The following UNC5B variants were observed in gnomAD, a reference collection of about 807,000 sequenced individuals.
The protein encoded by UNC5B is unc-5 netrin receptor B, also known as netrin receptor UNC5B.
Under a neutral mutation model 103.7 loss-of-function variants are expected in UNC5B, and 56 were observed. The observed-to-expected ratio is 0.54, with a 90% CI of 0.44 to 0.67. The LOEUF is 0.67. Ranked by LOEUF, UNC5B falls within the 30% of genes least tolerant of loss-of-function variation. The probability of loss-of-function intolerance (pLI) is 0.00; values close to 1 mark genes in which losing one functional copy is unlikely to be tolerated. For synonymous variants in UNC5B, 577 were observed against 542.0 expected, an observed-to-expected ratio of 1.06 and a Z score of -0.90; for missense variants, 1,194 against 1,284.5, an observed-to-expected ratio of 0.93 and a Z score of 1.08.
intron 14 of UNC5B, 101 bp downstream of exon 14, chr10:71,296,061 T>C: frequency 1.3e-6 from 2 of 1,502,152 alleles, no homozygotes; most frequent in Non-Finnish European, 1.8e-6. Context: ...TCCTGTGGCC[T>C]TACCCCTCCC....
rs1036661814 is a variant in UNC5B, at chr10:71,302,041, C to T, written c.*2764C>T. ...GCACAGACCCATTGGCTGGAGCCTC[C>T]TGGGAGGGTTCAAACCATCAGCTCT... On this transcript the variant is annotated 3_prime_UTR_variant, in exon 17 of 17. Transcript: ENST00000335350. 1 of 152,200 alleles carries T rather than the reference C, an allele frequency of 6.6e-6. No individual in the cohort carries two copies. The highest frequency in any genetic ancestry group is 2.4e-5 in the African/African-American group (1 of 41,450). The allele number at this position is 152,200 out of a possible 1,614,324, so 9.4% of individuals were successfully genotyped here. A position where few individuals can be genotyped will look rare whatever the true frequency, so the allele number is the denominator to read the frequency against.
intron 1 of UNC5B, among the ~76,000 whole-genome samples, chr10:71,271,746 C>CG: frequency 6.6e-6 from 1 of 152,360 alleles, no homozygotes; most frequent in East Asian, 1.9e-4. Context: ...AGACGTTTCA[C>CG]AGGAGCAGAT....
At chr10:71,243,402 C>T (rs574750521) in intron 1 of UNC5B, among the ~76,000 whole-genome samples, 146 of 152,286 alleles carry the variant, frequency 9.6e-4, no homozygotes, top group African/African-American at 3.3e-3. Flanking sequence ...CTTCTGCCTG[C>T]ACTGCCCAGT....
At chr10:71,248,775 T>C (rs1025195804) in intron 1 of UNC5B, among the ~76,000 whole-genome samples, 5 of 151,824 alleles carry the variant, frequency 3.3e-5, no homozygotes, top group Non-Finnish European at 7.4e-5. Flanking sequence ...CCTGAACTCA[T>C]AGAGAACATT....
chr10:71,219,694 T>C (rs1434941475), intron 1 of UNC5B, among the ~76,000 whole-genome samples: 1 of 152,220 alleles, frequency 6.6e-6, no homozygotes, highest in East Asian at 1.9e-4. Context: ...TCAGAACTCC[T>C]AAGCAGCCCT....
rs542315554 is a variant in UNC5B at position 71,260,784 on chromosome 10, T to C, written c.80-19037T>C. Among the ~76,000 whole-genome samples the C allele has an allele frequency of 5.9e-5, 9 of 152,324 alleles. No individual in the cohort carries two copies. The South Asian group carries it at 1.9e-3, about 32-fold the overall frequency. On this transcript the variant is annotated intron_variant, in intron 1 of 16. Coordinates refer to ENST00000335350, the MANE Select transcript of UNC5B (RefSeq NM_170744.5). The stretch of plus-strand genomic sequence containing the variant: ...GGAGGTAGCAAGGAGACTGAGTCAC[T>C]GCAGGCCAATTGTGATGAGTGGGCA...
At chr10:71,290,655 C>T (rs889713581) in intron 8 of UNC5B, among the ~76,000 whole-genome samples, 1 of 152,238 alleles carries the variant, frequency 6.6e-6, no homozygotes, top group African/African-American at 2.4e-5. Flanking sequence ...TGAATTAACA[C>T]ATGGCATGAA....
intron 4 of UNC5B, among the ~76,000 whole-genome samples, chr10:71,286,223 G>A (rs1845075363): frequency 6.6e-6 from 1 of 152,194 alleles, no homozygotes; most frequent in Non-Finnish European, 1.5e-5. Flanking sequence ...TGGCAGAGCT[G>A]GGGTTTGGAC....
intron 1 of UNC5B, among the ~76,000 whole-genome samples, chr10:71,240,046 G>A (rs1039188216): frequency 5.3e-5 from 8 of 152,140 alleles, no homozygotes; most frequent in Non-Finnish European, 1.2e-4. Context: ...GTTAGCTGCT[G>A]TTCCTGCTGA....
At chr10:71,292,700 T>C (rs1379618884) in intron 11 of UNC5B, 146 bp downstream of exon 11, 1 of 694,838 alleles carries the variant, frequency 1.4e-6, no homozygotes, top group African/African-American at 1.8e-5. Flanking sequence ...ATTGAAAACT[T>C]GCAGAACCAA....
At chr10:71,278,374 G>A (rs1844824234) in intron 1 of UNC5B, among the ~76,000 whole-genome samples, 1 of 152,158 alleles carries the variant, frequency 6.6e-6, no homozygotes, top group Non-Finnish European at 1.5e-5. Context: ...TAACGAGGTA[G>A]GTGTTAAGGT....
At chr10:71,228,634 CAT>C (rs1454013426) in intron 1 of UNC5B, among the ~76,000 whole-genome samples, 2 of 152,222 alleles carry the variant, frequency 1.3e-5, no homozygotes, top group Non-Finnish European at 2.9e-5. Flanking sequence ...TAGATAAACA[CAT>C]ATTGTAAAAC....
At position 71,280,058 on chromosome 10, in the gene UNC5B, C is replaced by T. The variant is rs202095112; in HGVS notation, c.304+13C>T. The T allele has an allele frequency of 5.6e-4, 910 of 1,612,766 alleles. 1 individual carries two copies. Among genetic ancestry groups the T allele is most frequent in the Non-Finnish European group, 6.9e-4 (809 of 1,179,852 alleles). ...GATGAGGCCACCGGTGAGCCCGCCCCACTTGCCTGGGCACCCCAGGACACC... is the reference window on the plus strand; with the variant it reads ...GATGAGGCCACCGGTGAGCCCGCCCTACTTGCCTGGGCACCCCAGGACACC... On this transcript the variant is annotated intron_variant, in intron 2 of 16. Transcript: ENST00000335350.
rs1845558445 is a variant in UNC5B, at chr10:71,300,291, G to A, written c.*1014G>A. 1 of 152,148 alleles carries A rather than the reference G, an allele frequency of 6.6e-6. No homozygotes were observed. The highest frequency in any genetic ancestry group is 3.1e-3 in the Middle Eastern group (1 of 318). The allele number at this position is 152,148 out of a possible 1,614,324, so 9.4% of individuals were successfully genotyped here. A position where few individuals can be genotyped will look rare whatever the true frequency, so the allele number is the denominator to read the frequency against. On this transcript the variant is annotated 3_prime_UTR_variant, in exon 17 of 17. Coordinates refer to ENST00000335350, the MANE Select transcript of UNC5B (RefSeq NM_170744.5). Reference sequence around the variant, plus strand: ...GGAGTGCTGAGGGCTGGAGTGGGTGGGCCCTCCCTCCCACAGCCCCAGGGA... The same window carrying A: ...GGAGTGCTGAGGGCTGGAGTGGGTGAGCCCTCCCTCCCACAGCCCCAGGGA...
intron 1 of UNC5B, among the ~76,000 whole-genome samples, chr10:71,221,077 T>G (rs926197090): frequency 6.6e-6 from 1 of 152,170 alleles, no homozygotes; most frequent in Non-Finnish European, 1.5e-5. Context: ...GAACCACTTG[T>G]GTTTACAGAG....
At chr10:71,270,631 G>T (rs1346730295) in intron 1 of UNC5B, among the ~76,000 whole-genome samples, 1 of 152,150 alleles carries the variant, frequency 6.6e-6, no homozygotes, top group Non-Finnish European at 1.5e-5. Context: ...CGGGTGGTGG[G>T]GGTGGTCGTG....
At chr10:71,237,535 G>A (rs1185235648) in intron 1 of UNC5B, among the ~76,000 whole-genome samples, 2 of 129,084 alleles carry the variant, frequency 1.5e-5, no homozygotes, top group African/African-American at 2.7e-5. Flanking sequence ...CTGTAAAGTG[G>A]GGGTAAGAGC....
chr10:71,240,142 C>G (rs918809130), intron 1 of UNC5B, among the ~76,000 whole-genome samples: 2 of 152,190 alleles, frequency 1.3e-5, no homozygotes, highest in African/African-American at 2.4e-5. Flanking sequence ...GAGGGAGTCC[C>G]GGAGATTATG....
At chr10:71,289,133 G>A in intron 8 of UNC5B, 143 bp downstream of exon 8, 1 of 1,046,778 alleles carries the variant, frequency 9.6e-7, no homozygotes, top group Non-Finnish European at 1.4e-6. Context: ...ACCTGACACT[G>A]CATGTGTCTG....
Sources: allele counts gnomAD v4.1 joint callset (sites outside exome capture counted in the v4.1 genomes callset), GRCh38; gene constraint gnomAD v4.1.1; transcripts MANE v1.5; gene names NCBI Gene and HGNC (gene_info 2026-07-23, HGNC 2026-07-21).